PTDSS2: variants seen among roughly 807,000 people sequenced by gnomAD.
The protein encoded by PTDSS2 is phosphatidylserine synthase 2, also known as PSS-2.
PTDSS2 carries 41 observed loss-of-function variants against 64.7 expected under a neutral mutation model. That is an observed-to-expected ratio of 0.63 (90% confidence interval 0.49 to 0.82). The LOEUF (loss-of-function observed/expected upper bound fraction) is 0.82, where lower values mean the gene tolerates loss of function less well. PTDSS2 is among the 40% of genes least tolerant of loss of function. The pLI, the probability that PTDSS2 is intolerant of heterozygous loss-of-function variation, is 0.00. For synonymous variants in PTDSS2, 297 were observed against 277.8 expected (o/e 1.07, Z -0.69); for missense variants, 485 against 650.0 (o/e 0.75, Z 2.76).
Position 490,602 on chromosome 11 carries a change from G to T in PTDSS2, c.*20G>T, listed in dbSNP as rs200907084. The T allele has an allele frequency of 9.0e-6, 14 of 1,561,682 alleles. No individual in the cohort carries two copies. The highest frequency in any genetic ancestry group is 2.7e-5 in the African/African-American group (2 of 74,152). On this transcript the variant is annotated 3_prime_UTR_variant, in exon 12 of 12. Transcript: ENST00000308020. ...AACTGACCTGGGCCGTGGCTGCCTC[G>T]TGAGCCTCCCAGAGCCCAGGCCTCC... is the stretch of plus-strand genomic sequence containing the variant.
chr11:473,899 A>C lies in PTDSS2; in HGVS notation c.289A>C (p.Ile97Leu). Residue 97 changes from isoleucine (I) to leucine (L), a missense_variant, in exon 3 of 12, where the codon ATT (isoleucine) becomes CTT (leucine). Transcript: ENST00000308020. Reference protein sequence around the residue: ...QDTAYNTKRGIVASILVFLCF... With the variant: ...QDTAYNTKRGLVASILVFLCF... ...CTGTTTGTTCTTTATTTGCAGAGGT[A>C]TTGTGGCCAGTATTTTGGTTTTCTT... is the stretch of plus-strand genomic sequence containing the variant. 6.2e-7 allele frequency: 1 copy of C among 1,610,454 alleles called. No homozygotes were observed. Among genetic ancestry groups the C allele is most frequent in the Non-Finnish European group, 8.5e-7 (1 of 1,176,660 alleles).
chr11:478,993 G>A, intron 3 of PTDSS2, 92 bp from the exon 4 acceptor site: 1 of 961,420 alleles, frequency 1.0e-6, no homozygotes, highest in Admixed American at 1.8e-5. Flanking sequence ...AAGAGACACT[G>A]GGTGTGAAGG....
intron 3 of PTDSS2, among the ~76,000 whole-genome samples, chr11:478,641 G>A (rs896028382): frequency 7.9e-5 from 12 of 152,050 alleles, no homozygotes; most frequent in African/African-American, 2.4e-5. Flanking sequence ...CTACTCGGGA[G>A]GCTGAGGCAG....
At chr11:465,013 G>T (rs1847081153) in intron 2 of PTDSS2, among the ~76,000 whole-genome samples, 1 of 152,154 alleles carries the variant, frequency 6.6e-6, no homozygotes. Flanking sequence ...ACTGCAGGCA[G>T]CCGATCCTTG....
chr11:479,385 C>T lies in PTDSS2; in HGVS notation c.435+233C>T. ...AAACGTAGGCCGAGCTGCGGGGGGC[C>T]TCCAGGAGCATCTGCTGGTGGGGCG... is the stretch of plus-strand genomic sequence containing the variant. On this transcript the variant is annotated intron_variant, in intron 4 of 11. Transcript: ENST00000308020. This position sits in a 1 kb window ranked among gnomAD's most constrained non-coding sequence, Gnocchi z 4.2. 1.7e-6 allele frequency: 1 copy of T among 594,012 alleles called. No homozygotes were observed. Among genetic ancestry groups the T allele is most frequent in the Middle Eastern group, 4.6e-4 (1 of 2,192 alleles). 36.8% of individuals were successfully genotyped at this position (594,012 alleles called of 1,614,324 possible).
chr11:485,068 CACGGGCACG>C, intron 4 of PTDSS2, among the ~76,000 whole-genome samples: 1 of 83,380 alleles, frequency 1.2e-5, no homozygotes, highest in African/African-American at 5.7e-5. Flanking sequence ...GTGTAAACTG[CACGGGCACG>C]TGTGCTTACT....
chr11:455,144 C>T (rs1207238154), intron 1 of PTDSS2, among the ~76,000 whole-genome samples: 1 of 152,172 alleles, frequency 6.6e-6, no homozygotes, highest in East Asian at 1.9e-4. Flanking sequence ...TCTTGCAGAA[C>T]AGGGTTGAGT....
At chr11:482,728 C>G (rs578251899) in intron 4 of PTDSS2, among the ~76,000 whole-genome samples, 2 of 152,118 alleles carry the variant, frequency 1.3e-5, no homozygotes, top group African/African-American at 4.8e-5. Flanking sequence ...GGAGAAAGTT[C>G]TGTGAGTTTT....
rs1846879908 is a variant in PTDSS2 at position 461,487 on chromosome 11, C to T, written c.284+1199C>T. The stretch of plus-strand genomic sequence containing the variant: ...CCTGGACCCAGGACTCTGCAGCCTG[C>T]TCCCCAGATGAGCTCACCCTCCATC... On this transcript the variant is annotated intron_variant, in intron 2 of 11. Coordinates refer to ENST00000308020, the MANE Select transcript of PTDSS2 (RefSeq NM_030783.3). The surrounding 1 kb of genome is among the most constrained non-coding windows in gnomAD (Gnocchi z 4.2). Among the ~76,000 whole-genome samples the T allele has an allele frequency of 6.6e-6, 1 of 152,134 alleles. No homozygotes were observed. The highest frequency in any genetic ancestry group is 1.5e-5 in the Non-Finnish European group (1 of 68,016).
intron 2 of PTDSS2, 99 bp from the exon 3 acceptor site, chr11:473,796 G>C (rs111825196): frequency 8.7e-6 from 8 of 919,672 alleles, no homozygotes; most frequent in African/African-American, 6.5e-5. Context: ...AGCATCAGGG[G>C]CTGTTCCACA....
intron 1 of PTDSS2, chr11:458,858 T>C (rs1490202857): frequency 6.6e-6 from 1 of 152,272 alleles, no homozygotes; most frequent in Admixed American, 6.5e-5. Context: ...TTCATTTCTT[T>C]AGGGCACAAA....
chr11:488,745 C>A, intron 8 of PTDSS2, 98 bp downstream of exon 8: 1 of 867,424 alleles, frequency 1.2e-6, no homozygotes, highest in Non-Finnish European at 1.9e-6. Flanking sequence ...CAGGCCCGTC[C>A]AGTGTGCGGC....
At chr11:455,909 C>A (rs539445049) in intron 1 of PTDSS2, among the ~76,000 whole-genome samples, 2 of 151,632 alleles carry the variant, frequency 1.3e-5, no homozygotes, top group Admixed American at 6.6e-5. Flanking sequence ...GTGGCTGGGG[C>A]GGGGGCTCAG....
chr11:490,815 T>C lies in PTDSS2; in HGVS notation c.*233T>C, dbSNP rs1848651059. ...GTGTGTGTACGCGTGTGTACGCGCG[T>C]GTGTACACATGCGTGGCCGCCTGTG... On this transcript the variant is annotated 3_prime_UTR_variant, in exon 12 of 12. Transcript: ENST00000308020. 3.5e-6 allele frequency: 2 copies of C among 570,130 alleles called. No homozygotes were observed. Among genetic ancestry groups the C allele is most frequent in the Non-Finnish European group, 6.2e-6 (2 of 324,386 alleles). 35.3% of individuals were successfully genotyped at this position (570,130 alleles called of 1,614,324 possible).
In PTDSS2 at chr11:486,967, AGTAT is replaced by A; in HGVS notation, c.467_470del (p.Tyr156LeufsTer50). 3 of 1,613,064 alleles carry A rather than the reference AGTAT, an allele frequency of 1.9e-6. No individual in the cohort carries two copies. Among genetic ancestry groups the A allele is most frequent in the Non-Finnish European group, 2.5e-6 (3 of 1,179,838 alleles). On this transcript the variant is annotated frameshift_variant, in exon 5 of 12. Coordinates refer to ENST00000308020, the MANE Select transcript of PTDSS2 (RefSeq NM_030783.3). LOFTEE classifies it high-confidence loss of function. ...GTCCAGGACGGCCGGCAGTTTCTAA[AGTAT>A]GTTGACCCCAAGCTGGGAGTCCCAC...
chr11:471,708 C>G (rs1340550162), intron 2 of PTDSS2, among the ~76,000 whole-genome samples: 1 of 133,610 alleles, frequency 7.5e-6, no homozygotes, highest in African/African-American at 2.9e-5. Context: ...CGGATGGTGG[C>G]CTGGGGTGAC....
intron 1 of PTDSS2, among the ~76,000 whole-genome samples, chr11:454,840 TC>T (rs1846514506): frequency 6.6e-6 from 1 of 152,192 alleles, no homozygotes; most frequent in South Asian, 2.1e-4. Context: ...TAGTGTGTGA[TC>T]CTGTCTTTGT....
chr11:487,689 G>A (rs1375393429), intron 6 of PTDSS2, among the ~76,000 whole-genome samples: 2 of 152,188 alleles, frequency 1.3e-5, no homozygotes, highest in East Asian at 1.9e-4. Context: ...GGGTCGGGGC[G>A]GTGGAAAGAG....
intron 1 of PTDSS2, chr11:459,920 C>T (rs1846794428): frequency 2.1e-6 from 1 of 482,506 alleles, no homozygotes; most frequent in Non-Finnish European, 3.8e-6. Context: ...AGCATGTGCC[C>T]TCTGAGCAGC....
Sources: allele counts gnomAD v4.1 joint callset (sites outside exome capture counted in the v4.1 genomes callset), GRCh38; gene constraint gnomAD v4.1.1; non-coding constraint Gnocchi (gnomAD v3.1); transcripts MANE v1.5; gene names NCBI Gene and HGNC (gene_info 2026-07-23, HGNC 2026-07-21).